PIK3CB: variants seen among roughly 807,000 people sequenced by gnomAD.
The protein encoded by PIK3CB is phosphatidylinositol 4,5-bisphosphate 3-kinase catalytic subunit beta isoform.
Under a neutral mutation model 136.8 loss-of-function variants are expected in PIK3CB, and 39 were observed. The ratio of observed to expected loss-of-function variants is 0.29; its 90% CI spans 0.22 to 0.37. The LOEUF is 0.37. Ranked by LOEUF, PIK3CB falls within the 10% of genes least tolerant of loss-of-function variation. PIK3CB has a pLI of 1.00. For synonymous variants in PIK3CB, 428 were observed against 436.6 expected, an observed-to-expected ratio of 0.98 and a Z score of 0.25; for missense variants, 868 against 1,275.4, an observed-to-expected ratio of 0.68 and a Z score of 4.87.
At chr3:138,702,601 C>T (rs950668582) in intron 12 of PIK3CB, among the ~76,000 whole-genome samples, 1 of 152,122 alleles carries the variant, frequency 6.6e-6, no homozygotes, top group East Asian at 1.9e-4. Context: ...CCAAGACCTG[C>T]CTGTGTAACT....
chr3:138,669,351 T>A (rs1162586304), intron 19 of PIK3CB, among the ~76,000 whole-genome samples: 1 of 127,088 alleles, frequency 7.9e-6, no homozygotes, highest in South Asian at 2.5e-4. Flanking sequence ...GAGGTTGCGG[T>A]GAACCATGAT....
intron 2 of PIK3CB, among the ~76,000 whole-genome samples, chr3:138,783,751 T>C (rs2045945398): frequency 6.6e-6 from 1 of 152,182 alleles, no homozygotes; most frequent in African/African-American, 2.4e-5. Flanking sequence ...ATTAAGGTGC[T>C]GTTCTTCATG....
chr3:138,695,698 G>T (rs1002141901), intron 13 of PIK3CB, among the ~76,000 whole-genome samples: 1 of 151,814 alleles, frequency 6.6e-6, no homozygotes, highest in Non-Finnish European at 1.5e-5. Flanking sequence ...CAATACTTTT[G>T]AATGATTTTT....
chr3:138,809,464 G>A (rs1412196896), intron 1 of PIK3CB, among the ~76,000 whole-genome samples: 1 of 151,660 alleles, frequency 6.6e-6, no homozygotes, highest in Non-Finnish European at 1.5e-5. Context: ...AAATTAGCTG[G>A]GCATGGTGGC....
intron 2 of PIK3CB, among the ~76,000 whole-genome samples, chr3:138,762,397 T>C (rs1257094265): frequency 3.3e-5 from 5 of 152,346 alleles, no homozygotes; most frequent in South Asian, 2.1e-4. Context: ...AATTCAGGTA[T>C]TGTCAACATG....
chr3:138,742,642 C>T lies in PIK3CB; in HGVS notation c.537G>A (p.Glu179=), dbSNP rs1478332086. The T allele has an allele frequency of 3.7e-6, 6 of 1,609,564 alleles. No homozygotes were observed. Among genetic ancestry groups the T allele is most frequent in the Non-Finnish European group, 4.3e-6 (5 of 1,175,972 alleles). The change falls in exon 5 of 24, where the codon GAG becomes GAA. Residue 179 remains glutamate, a synonymous_variant. Transcript: ENST00000674063. ...MDWLKQTYPP[E]HEPSIPENLE... is the part of the protein sequence containing the mutation. ...AGTTTTCAGGGATGGATGGTTCATG[C>T]TCTGGTGGATATGTTTGTTTTAGCC...
At chr3:138,698,352 G>C (rs763624599) in intron 13 of PIK3CB, among the ~76,000 whole-genome samples, 59 of 152,130 alleles carry the variant, frequency 3.9e-4, no homozygotes, top group African/African-American at 1.3e-3. Context: ...AGTGCTTTTT[G>C]GCAGGGTCTT....
chr3:138,823,104 T>A (rs1045833920), intron 1 of PIK3CB, among the ~76,000 whole-genome samples: 7 of 151,224 alleles, frequency 4.6e-5, no homozygotes, highest in African/African-American at 1.5e-4. Flanking sequence ...CAATTTGTAA[T>A]GGTTTATGAA....
At chr3:138,689,933 A>G (rs975339518) in intron 15 of PIK3CB, among the ~76,000 whole-genome samples, 1 of 152,230 alleles carries the variant, frequency 6.6e-6, no homozygotes, top group Non-Finnish European at 1.5e-5. Context: ...GGTATTAAAC[A>G]ATTGACTAAT....
chr3:138,752,561 T>G (rs1417583881), intron 4 of PIK3CB, among the ~76,000 whole-genome samples: 1 of 152,030 alleles, frequency 6.6e-6, no homozygotes. Context: ...ATACAAAAAT[T>G]AGGTGGGCGT....
intron 8 of PIK3CB, among the ~76,000 whole-genome samples, chr3:138,726,630 C>A (rs1208668649): frequency 6.6e-6 from 1 of 152,132 alleles, no homozygotes; most frequent in Non-Finnish European, 1.5e-5. Context: ...AGTTAGAAGA[C>A]CCCTTTCCCA....
rs765986975 is a variant in PIK3CB, at chr3:138,755,839, A to G, written c.312T>C (p.Pro104=). 1.2e-6 allele frequency: 2 copies of G among 1,612,986 alleles called. No homozygotes were observed. Among genetic ancestry groups the G allele is most frequent in the Admixed American group, 3.3e-5 (2 of 60,002 alleles). ...DETRRLCDVR[P]FLPVLKLVTR... ...TCACTAATTTGAGAACTGGAAGAAA[A>G]GGTCTGACATCACAGAGTCTTCGTG... The change falls in exon 4 of 24, where the codon CCT becomes CCC. Residue 104 remains proline, a synonymous_variant. Coordinates refer to ENST00000674063, the MANE Select transcript of PIK3CB (RefSeq NM_006219.3).
chr3:138,739,144 C>T (rs973176777), intron 5 of PIK3CB, among the ~76,000 whole-genome samples: 7 of 151,948 alleles, frequency 4.6e-5, no homozygotes, highest in African/African-American at 1.4e-4. Flanking sequence ...GATTAGTGTC[C>T]TTATAAAAGA....
At chr3:138,795,673 G>C (rs2046101523) in intron 2 of PIK3CB, among the ~76,000 whole-genome samples, 1 of 152,074 alleles carries the variant, frequency 6.6e-6, no homozygotes, top group Non-Finnish European at 1.5e-5. Context: ...TGATCTATAG[G>C]AGATTTGAAC....
intron 1 of PIK3CB, among the ~76,000 whole-genome samples, chr3:138,805,136 A>C (rs2046218428): frequency 6.6e-6 from 1 of 151,700 alleles, no homozygotes; most frequent in Non-Finnish European, 1.5e-5. Context: ...GGAGTTCGAG[A>C]CCAGCCTGGC....
At chr3:138,657,597 A>G in intron 22 of PIK3CB, 93 bp downstream of exon 22, 1 of 1,125,386 alleles carries the variant, frequency 8.9e-7, no homozygotes, top group Non-Finnish European at 1.3e-6. Flanking sequence ...TATCTCCCAG[A>G]TCCAAATATA....
chr3:138,728,719 G>A (rs958367350), intron 8 of PIK3CB, among the ~76,000 whole-genome samples: 4 of 151,752 alleles, frequency 2.6e-5, no homozygotes, highest in African/African-American at 9.7e-5. Flanking sequence ...GGGGGAGCTT[G>A]CAGTGAGCCG....
Position 138,748,156 on chromosome 3 carries a change from T to TACACACACAC in PIK3CB, c.398-5385_398-5376dup, listed in dbSNP as rs3071146. Among the ~76,000 whole-genome samples the TACACACACAC allele has an allele frequency of 5.3e-4, 76 of 142,990 alleles. 1 individual carries two copies. Among genetic ancestry groups the TACACACACAC allele is most frequent in the Middle Eastern group, 3.5e-3 (1 of 288 alleles). 93.8% of individuals were successfully genotyped at this position (142,990 alleles called of 152,430 possible). On this transcript the variant is annotated intron_variant, in intron 4 of 23. Coordinates refer to ENST00000674063, the MANE Select transcript of PIK3CB (RefSeq NM_006219.3). ...ATTTTGCAATATTTATTAGAAATCATACACACACACACACACACACACACA... is the reference window on the plus strand; with the variant it reads ...ATTTTGCAATATTTATTAGAAATCATACACACACACACACACACACACACACACACACACA...
intron 10 of PIK3CB, chr3:138,707,627 T>C: frequency 1.1e-6 from 1 of 880,108 alleles, no homozygotes; most frequent in South Asian, 3.8e-5. Flanking sequence ...TATAATCTCA[T>C]CACTACATAT....
Sources: gnomAD v4.1 joint callset for allele counts (sites outside exome capture counted in the v4.1 genomes callset) on GRCh38, gnomAD v4.1.1 for gene constraint, MANE v1.5 for transcripts, NCBI Gene and HGNC (gene_info 2026-07-23, HGNC 2026-07-21) for gene names.